LRRC38: variants seen among roughly 807,000 people sequenced by gnomAD.
The protein encoded by LRRC38 is leucine-rich repeat-containing protein 38.
In LRRC38, 5 loss-of-function variants were observed where a neutral mutation model predicts 16.4. That is an observed-to-expected ratio of 0.31 (90% CI 0.16 to 0.64). The LOEUF (loss-of-function observed/expected upper bound fraction) is 0.64, where lower values mean the gene tolerates loss of function less well. Among genes scored for constraint, LRRC38 ranks in the 30% least tolerant of loss-of-function variants. LRRC38 has a pLI of 0.80. For missense variants in LRRC38, 341 were observed against 401.8 expected (o/e 0.85, Z 1.29); for synonymous variants, 191 against 190.2 (o/e 1.00, Z -0.04).
rs1638774922 is a variant in LRRC38 at position 13,475,446 on chromosome 1, A to T, written c.*400T>A. On this transcript the variant is annotated 3_prime_UTR_variant, in exon 2 of 2. Transcript: ENST00000376085. The surrounding 1 kb of genome is among the most constrained non-coding windows in gnomAD (Gnocchi z 4.3). Reference sequence around the variant, plus strand: ...CTGCTGTTTCTTGGGAGGAAGGCAGATGTTTCATGATCTCCCAGTACAGGT... The same window carrying T: ...CTGCTGTTTCTTGGGAGGAAGGCAGTTGTTTCATGATCTCCCAGTACAGGT... 1 of 172,074 alleles carries T rather than the reference A, an allele frequency of 5.8e-6. No individual in the cohort carries two copies. The highest frequency in any genetic ancestry group is 1.5e-4 in the South Asian group (1 of 6,462). 10.7% of individuals were successfully genotyped at this position (172,074 alleles called of 1,614,324 possible).
At position 13,501,837 on chromosome 1, in the gene LRRC38, C is replaced by T. The variant is rs563280782; in HGVS notation, c.631+11126G>A. On this transcript the variant is annotated intron_variant, in intron 1 of 1. Transcript: ENST00000376085. ...TGTTGCCCAGGCTGGAGTGCAGTGG[C>T]ACGATCTGCACCATTCCTGGGTTCA... Among the ~76,000 whole-genome samples, 14 of 152,172 alleles carry T rather than the reference C, an allele frequency of 9.2e-5. 1 individual carries two copies. In the East Asian group the frequency reaches 2.7e-3, roughly 29 times the overall value.
intron 1 of LRRC38, among the ~76,000 whole-genome samples, chr1:13,492,014 T>C (rs1490994609): frequency 6.6e-6 from 1 of 152,160 alleles, no homozygotes; most frequent in Non-Finnish European, 1.5e-5. Context: ...TTCTCTAGCG[T>C]TGTTACATTC....
At chr1:13,494,968 C>G (rs1459015457) in intron 1 of LRRC38, among the ~76,000 whole-genome samples, 3 of 152,190 alleles carry the variant, frequency 2.0e-5, no homozygotes, top group Admixed American at 6.6e-5. Flanking sequence ...ATGTTCAGGT[C>G]ACCTTTGGTT....
At chr1:13,486,604 T>C (rs1292943523) in intron 1 of LRRC38, among the ~76,000 whole-genome samples, 1 of 150,418 alleles carries the variant, frequency 6.6e-6, no homozygotes, top group Non-Finnish European at 1.5e-5. Flanking sequence ...TTTTTTTTTT[T>C]TTTTGAGACA....
chr1:13,481,788 C>CCTCTCTCTCTCTCT (rs1198744392), intron 1 of LRRC38, among the ~76,000 whole-genome samples: 8 of 34,478 alleles, frequency 2.3e-4, no homozygotes, highest in South Asian at 1.9e-3. Flanking sequence ...TCCCTCTCTC[C>CCTCTCTCTCTCTCT]CTCTCTCTCT....
intron 1 of LRRC38, among the ~76,000 whole-genome samples, chr1:13,502,258 TAATAA>T (rs527708223): frequency 2.6e-5 from 4 of 151,884 alleles, no homozygotes; most frequent in African/African-American, 7.3e-5. Flanking sequence ...ATTGATTATT[TAATAA>T]AATAAAATAA....
rs182198944 is a variant in LRRC38, at chr1:13,486,602, T to C, written c.632-10503A>G. Among the ~76,000 whole-genome samples the C allele has an allele frequency of 9.9e-3, 1,491 of 150,288 alleles. 28 individuals are homozygous for C. Among genetic ancestry groups the C allele is most frequent in the African/African-American group, 0.035 (1,407 of 40,718 alleles). On this transcript the variant is annotated intron_variant, in intron 1 of 1. Transcript: ENST00000376085. ...TCTTGGTGTACCTTTTTTTTTTTTT[T>C]TTTTTTGAGACAAGGTCTCACTCTA...
chr1:13,486,693 C>A (rs541902365), intron 1 of LRRC38, among the ~76,000 whole-genome samples: 1 of 151,690 alleles, frequency 6.6e-6, no homozygotes, highest in African/African-American at 2.4e-5. Flanking sequence ...TGGGTTCAAC[C>A]GATCTTCCCA....
chr1:13,501,097 A>G lies in LRRC38; in HGVS notation c.631+11866T>C, dbSNP rs142803752. 3.0e-3 allele frequency among the ~76,000 whole-genome samples: 463 copies of G among 152,244 alleles called. 2 individuals carry two copies. Among genetic ancestry groups the G allele is most frequent in the African/African-American group, 0.011 (442 of 41,546 alleles). Reference sequence around the variant, plus strand: ...GGCTTTAGTGAATAATCACAGTGACACTGGTTCATCATATTGGTTTATGCA... The same window carrying G: ...GGCTTTAGTGAATAATCACAGTGACGCTGGTTCATCATATTGGTTTATGCA... On this transcript the variant is annotated intron_variant, in intron 1 of 1. Coordinates refer to ENST00000376085, the MANE Select transcript of LRRC38 (RefSeq NM_001010847.2).
At chr1:13,481,688 C>T (rs1482281511) in intron 1 of LRRC38, among the ~76,000 whole-genome samples, 1 of 152,046 alleles carries the variant, frequency 6.6e-6, no homozygotes, top group Non-Finnish European at 1.5e-5. Flanking sequence ...AGTCACCGTG[C>T]CCGGCCAATG....
At chr1:13,478,067 G>C (rs1297608022) in intron 1 of LRRC38, among the ~76,000 whole-genome samples, 1 of 152,156 alleles carries the variant, frequency 6.6e-6, no homozygotes, top group Non-Finnish European at 1.5e-5. Context: ...GCTAAAGACT[G>C]TTTGTTACCA....
chr1:13,509,662 C>T (rs1039906730), intron 1 of LRRC38, among the ~76,000 whole-genome samples: 2 of 152,166 alleles, frequency 1.3e-5, no homozygotes, highest in African/African-American at 4.8e-5. Flanking sequence ...AGGTCACGTG[C>T]CTCCCCAGGC....
At position 13,511,574 on chromosome 1, in the gene LRRC38, A is replaced by G. The variant is rs534738135; in HGVS notation, c.631+1389T>C. Among the ~76,000 whole-genome samples, 3 of 152,090 alleles carry G rather than the reference A, an allele frequency of 2.0e-5. No individual in the cohort carries two copies. In the South Asian group the frequency reaches 6.3e-4, roughly 32 times the overall value. Reference sequence around the variant, plus strand: ...TGGAGCCAATAAACCAACCCAACCAACAACAGGGGTGAATGGTGCCAACCC... The same window carrying G: ...TGGAGCCAATAAACCAACCCAACCAGCAACAGGGGTGAATGGTGCCAACCC... On this transcript the variant is annotated intron_variant, in intron 1 of 1. Transcript: ENST00000376085.
chr1:13,494,749 G>A (rs55707424), intron 1 of LRRC38, among the ~76,000 whole-genome samples: 10,799 of 152,196 alleles, frequency 0.071, 634 homozygotes, highest in East Asian at 0.23. Context: ...TTCGCTGTGC[G>A]GCTTTGTGCA....
chr1:13,500,111 C>G (rs1274417304), intron 1 of LRRC38, among the ~76,000 whole-genome samples: 1 of 151,886 alleles, frequency 6.6e-6, no homozygotes, highest in Non-Finnish European at 1.5e-5. Flanking sequence ...ATTAGCCGGG[C>G]TGGGTAGCAT....
Position 13,495,433 on chromosome 1 carries a change from G to A in LRRC38, c.631+17530C>T, listed in dbSNP as rs141523841. Reference sequence around the variant, plus strand: ...CTGGGAGCTTTGCATGTCCTCTGCTGCAGGCTTAAGGGCTCCGTCTATTTA... The same window carrying A: ...CTGGGAGCTTTGCATGTCCTCTGCTACAGGCTTAAGGGCTCCGTCTATTTA... On this transcript the variant is annotated intron_variant, in intron 1 of 1. Coordinates refer to ENST00000376085, the MANE Select transcript of LRRC38 (RefSeq NM_001010847.2). Among the ~76,000 whole-genome samples the A allele has an allele frequency of 4.2e-3, 634 of 152,112 alleles. 7 individuals are homozygous for A. The highest frequency in any genetic ancestry group is 6.5e-3 in the South Asian group (31 of 4,806).
chr1:13,503,745 G>C (rs1042563221), intron 1 of LRRC38, among the ~76,000 whole-genome samples: 1 of 152,208 alleles, frequency 6.6e-6, no homozygotes, highest in Non-Finnish European at 1.5e-5. Flanking sequence ...TGACTCGGAG[G>C]ACCCACTGGG....
At chr1:13,504,867 A>AAG (rs896180309) in intron 1 of LRRC38, among the ~76,000 whole-genome samples, 1 of 151,566 alleles carries the variant, frequency 6.6e-6, no homozygotes, top group African/African-American at 2.4e-5. Context: ...AAAAAAGAAA[A>AAG]AGAGAAAGAA....
At chr1:13,479,485 A>G (rs1178675991) in intron 1 of LRRC38, among the ~76,000 whole-genome samples, 1 of 152,218 alleles carries the variant, frequency 6.6e-6, no homozygotes, top group Non-Finnish European at 1.5e-5. Flanking sequence ...CCACTTCCCA[A>G]GTCAGTTCTG....
Sources: gnomAD v4.1 joint callset for allele counts (sites outside exome capture counted in the v4.1 genomes callset) on GRCh38, gnomAD v4.1.1 for gene constraint, Gnocchi (gnomAD v3.1) non-coding constraint, MANE v1.5 for transcripts, NCBI Gene and HGNC (gene_info 2026-07-23, HGNC 2026-07-21) for gene names.